TTYH2: variants seen among roughly 807,000 people sequenced by gnomAD.
TTYH2 encodes protein tweety homolog 2.
In TTYH2, 49 loss-of-function variants were observed where a neutral mutation model predicts 68.3. The ratio of observed to expected loss-of-function variants is 0.72; its 90% CI spans 0.57 to 0.91. The LOEUF is 0.91. TTYH2 is among the 40% of genes least tolerant of loss of function. The probability of loss-of-function intolerance (pLI) is 0.00; values close to 1 mark genes in which losing one functional copy is unlikely to be tolerated. For missense variants in TTYH2, 631 were observed against 700.4 expected (o/e 0.90, Z 1.12); for synonymous variants, 272 against 300.8 (o/e 0.90, Z 0.99).
At chr17:74,229,001 A>G (rs1486489327) in intron 2 of TTYH2, among the ~76,000 whole-genome samples, 2 of 152,188 alleles carry the variant, frequency 1.3e-5, no homozygotes, top group Non-Finnish European at 1.5e-5. Context: ...GCAGAACTGG[A>G]AACTTCTTCC....
In TTYH2 at chr17:74,260,384, C is replaced by T; in HGVS notation, c.*175C>T. 1.6e-6 allele frequency: 1 copy of T among 640,232 alleles called. No homozygotes were observed. The highest frequency in any genetic ancestry group is 2.8e-6 in the Non-Finnish European group (1 of 361,644). The allele number at this position is 640,232 out of a possible 1,614,324, so 39.7% of individuals were successfully genotyped here. Reference sequence around the variant, plus strand: ...GCCCCAGGGGGTGCAGAAGACTCACCACGCGGGCCAGCCTCTCTCTTTTGC... The same window carrying T: ...GCCCCAGGGGGTGCAGAAGACTCACTACGCGGGCCAGCCTCTCTCTTTTGC... On this transcript the variant is annotated 3_prime_UTR_variant, in exon 14 of 14. Coordinates refer to ENST00000269346, the MANE Select transcript of TTYH2 (RefSeq NM_032646.6).
chr17:74,237,222 C>T (rs1003567569), intron 3 of TTYH2, 72 bp from the exon 4 acceptor site: 22 of 1,503,920 alleles, frequency 1.5e-5, no homozygotes, highest in Admixed American at 8.7e-5. Flanking sequence ...CTTCTGCTGC[C>T]TGCAAAGACC....
intron 2 of TTYH2, among the ~76,000 whole-genome samples, chr17:74,229,053 G>A (rs1377713720): frequency 6.6e-6 from 1 of 152,170 alleles, no homozygotes; most frequent in Non-Finnish European, 1.5e-5. Flanking sequence ...GGGGTGAGTG[G>A]TTTAAGGAGG....
At chr17:74,231,892 T>G (rs1323039856) in intron 3 of TTYH2, among the ~76,000 whole-genome samples, 4 of 152,044 alleles carry the variant, frequency 2.6e-5, no homozygotes, top group Admixed American at 2.0e-4. Context: ...AGACGCTGCC[T>G]GATACACACG....
chr17:74,225,862 G>GT (rs2050324505), intron 2 of TTYH2, among the ~76,000 whole-genome samples: 1 of 152,174 alleles, frequency 6.6e-6, no homozygotes, highest in Non-Finnish European at 1.5e-5. Context: ...GGAGGGACAG[G>GT]TCCAGGCAGA....
chr17:74,243,856 C>A, intron 5 of TTYH2, 121 bp from the exon 6 acceptor site: 1 of 899,404 alleles, frequency 1.1e-6, no homozygotes, highest in Non-Finnish European at 1.7e-6. Context: ...GGGCCCACGT[C>A]AGGGCAGGGA....
intron 10 of TTYH2, 163 bp downstream of exon 10, chr17:74,250,520 C>T (rs1473098563): frequency 3.2e-6 from 2 of 624,268 alleles, no homozygotes; most frequent in African/African-American, 3.7e-5. Context: ...GGGTGCCTGG[C>T]TTCTCCAGGG....
chr17:74,243,817 G>C (rs1478321772), intron 5 of TTYH2, among the ~76,000 whole-genome samples, 160 bp from the exon 6 acceptor site: 1 of 151,776 alleles, frequency 6.6e-6, no homozygotes, highest in Non-Finnish European at 1.5e-5. Context: ...AAGGACCTGG[G>C]CTCCATGGTC....
chr17:74,213,993 T>G lies in TTYH2; in HGVS notation c.129+277T>G, dbSNP rs1598209400. On this transcript the variant is annotated intron_variant, in intron 1 of 13. Coordinates refer to ENST00000269346, the MANE Select transcript of TTYH2 (RefSeq NM_032646.6). The surrounding 1 kb of genome is among the most constrained non-coding windows in gnomAD (Gnocchi z 6.1). ...GAAGGGCGCAAGACCGCCTGCGGGG[T>G]GAGGGGCTGAACGCTGAGCGGGCAG... Among the ~76,000 whole-genome samples, 1 of 143,332 alleles carries G rather than the reference T, an allele frequency of 7.0e-6. No individual in the cohort carries two copies. Among genetic ancestry groups the G allele is most frequent in the African/African-American group, 2.6e-5 (1 of 38,404 alleles). 94.0% of individuals were successfully genotyped at this position (143,332 alleles called of 152,430 possible). A position where few individuals can be genotyped will look rare whatever the true frequency, so the allele number is the denominator to read the frequency against.
At chr17:74,219,457 T>G (rs956872000) in intron 1 of TTYH2, among the ~76,000 whole-genome samples, 1 of 151,346 alleles carries the variant, frequency 6.6e-6, no homozygotes, top group African/African-American at 2.4e-5. Context: ...GTTCAATGAA[T>G]TTATACCCTC....
Position 74,253,370 on chromosome 17 carries a change from G to A in TTYH2, c.1445+104G>A, listed in dbSNP as rs371129341. ...GGGAGGAAGGCATCCAAGGCCACCC[G>A]TGGTCCCCACTACAGCCACAGGGTG... On this transcript the variant is annotated intron_variant, in intron 12 of 13. Coordinates refer to ENST00000269346, the MANE Select transcript of TTYH2 (RefSeq NM_032646.6). 363 of 1,389,206 alleles carry A rather than the reference G, an allele frequency of 2.6e-4. 7 individuals are homozygous for A. In the South Asian group the frequency reaches 4.3e-3, roughly 17 times the overall value. 86.1% of individuals were successfully genotyped at this position (1,389,206 alleles called of 1,614,324 possible).
intron 2 of TTYH2, among the ~76,000 whole-genome samples, chr17:74,226,122 T>A (rs1199499949): frequency 6.6e-6 from 1 of 152,112 alleles, no homozygotes; most frequent in Non-Finnish European, 1.5e-5. Context: ...AAGCAGACAG[T>A]CAGTTTGGTT....
Position 74,252,297 on chromosome 17 carries a change from C to T in TTYH2, c.1180C>T (p.Leu394Phe). Residue 394 changes from leucine to phenylalanine, a missense_variant, in exon 11 of 14, where the codon CTC (leucine) becomes TTC (phenylalanine). Transcript: ENST00000269346. ...CCTCCAGGGCTTGCTGTACCTTGGC[C>T]TCTTCTCCTTCCTGGCCGCCCTCGC... is the stretch of plus-strand genomic sequence containing the variant. Reference protein sequence around the residue: ...DGLQGLLYLGLFSFLAALAFS... With the variant: ...DGLQGLLYLGFFSFLAALAFS... The T allele has an allele frequency of 6.2e-7, 1 of 1,613,940 alleles. No individual in the cohort carries two copies. Among genetic ancestry groups the T allele is most frequent in the African/African-American group, 1.3e-5 (1 of 75,066 alleles).
intron 2 of TTYH2, among the ~76,000 whole-genome samples, chr17:74,227,975 TTTTC>T (rs2050347900): frequency 7.3e-6 from 1 of 136,464 alleles, no homozygotes; most frequent in African/African-American, 3.5e-5. Flanking sequence ...GTTTCTTTTC[TTTTC>T]TTTCTTTTTT....
intron 13 of TTYH2, among the ~76,000 whole-genome samples, chr17:74,255,296 C>A (rs1485987064): frequency 6.6e-6 from 1 of 152,184 alleles, no homozygotes; most frequent in African/African-American, 2.4e-5. Flanking sequence ...GCACATTCCT[C>A]CTCGGTGGTG....
chr17:74,252,503 A>C, intron 11 of TTYH2, 127 bp downstream of exon 11: 1 of 1,201,186 alleles, frequency 8.3e-7, no homozygotes, highest in East Asian at 2.6e-5. Flanking sequence ...GGGCCCGGGC[A>C]TTCAGCCCAA....
At position 74,222,897 on chromosome 17, in the gene TTYH2, G is replaced by C. The variant is rs570842349; in HGVS notation, c.302+240G>C. Among the ~76,000 whole-genome samples, 1 of 151,822 alleles carries C rather than the reference G, an allele frequency of 6.6e-6. No individual in the cohort carries two copies. The highest frequency in any genetic ancestry group is 1.9e-4 in the East Asian group (1 of 5,134). On this transcript the variant is annotated intron_variant, in intron 2 of 13. Transcript: ENST00000269346. The surrounding 1 kb of genome is among the most constrained non-coding windows in gnomAD (Gnocchi z 5.2). ...ACAAACCCTGCCCCAATGTGGGTTT[G>C]TCCTGTGCCCAGCAGCTGTGCAGGC...
At chr17:74,237,255 G>A (rs2050452567) in intron 3 of TTYH2, 39 bp from the exon 4 acceptor site, 1 of 1,600,664 alleles carries the variant, frequency 6.2e-7, no homozygotes, top group Non-Finnish European at 8.6e-7. Flanking sequence ...AGAATCAGAA[G>A]CTCTACCTCC....
intron 2 of TTYH2, among the ~76,000 whole-genome samples, chr17:74,229,558 C>G (rs1285467200): frequency 6.6e-6 from 1 of 152,142 alleles, no homozygotes; most frequent in Non-Finnish European, 1.5e-5. Context: ...AGTCAAAAAC[C>G]TGCTCTCCAT....
Sources: gnomAD v4.1 joint callset for allele counts (sites outside exome capture counted in the v4.1 genomes callset) on GRCh38, gnomAD v4.1.1 for gene constraint, Gnocchi (gnomAD v3.1) non-coding constraint, MANE v1.5 for transcripts, NCBI Gene and HGNC (gene_info 2026-07-23, HGNC 2026-07-21) for gene names.